Variants in SAMD4A observed in about 807,000 individuals in gnomAD.
SAMD4A encodes the protein protein Smaug homolog 1.
In SAMD4A, 33 loss-of-function variants were observed where a neutral mutation model predicts 81.3. The ratio of observed to expected loss-of-function variants is 0.41; its 90% confidence interval spans 0.31 to 0.54. The LOEUF (loss-of-function observed/expected upper bound fraction) is 0.54, where lower values mean the gene tolerates loss of function less well. SAMD4A is among the 20% of genes least tolerant of loss of function. The pLI is 0.37. For synonymous variants in SAMD4A, 389 were observed against 382.1 expected (o/e 1.02, Z -0.21); for missense variants, 854 against 951.1 (o/e 0.90, Z 1.34).
At position 54,739,518 on chromosome 14, in the gene SAMD4A, C is replaced by CA. The variant is rs11301120; in HGVS notation, c.979+2247dup. Among the ~76,000 whole-genome samples the CA allele has an allele frequency of 5.3e-3, 715 of 135,390 alleles. 2 individuals carry two copies. Among genetic ancestry groups the CA allele is most frequent in the African/African-American group, 6.6e-3 (236 of 35,958 alleles). 88.8% of individuals were successfully genotyped at this position (135,390 alleles called of 152,430 possible). ...ATAAAGTCAATAGCAAGTTAAATGG[C>CA]AAAAAAAAAAAAAAAAGTTTGAAGG... is the stretch of plus-strand genomic sequence containing the variant. On this transcript the variant is annotated intron_variant, in intron 4 of 12. Transcript: ENST00000554335.
At chr14:54,700,497 A>C (rs2036687603) in intron 2 of SAMD4A, among the ~76,000 whole-genome samples, 1 of 152,186 alleles carries the variant, frequency 6.6e-6, no homozygotes, top group Non-Finnish European at 1.5e-5. Flanking sequence ...GTCAACAGTG[A>C]TAACTGGGCT....
chr14:54,648,172 G>A (rs2035325053), intron 2 of SAMD4A, among the ~76,000 whole-genome samples: 1 of 152,232 alleles, frequency 6.6e-6, no homozygotes, highest in Admixed American at 6.5e-5. Context: ...AGAAACTTTT[G>A]TGAGACTTCT....
intron 2 of SAMD4A, among the ~76,000 whole-genome samples, chr14:54,640,977 C>T (rs2035160996): frequency 6.6e-6 from 1 of 152,198 alleles, no homozygotes; most frequent in Non-Finnish European, 1.5e-5. Context: ...CTTCATTCCA[C>T]CTCCTGCTCT....
At chr14:54,618,634 T>C (rs2034545412) in intron 2 of SAMD4A, among the ~76,000 whole-genome samples, 1 of 152,228 alleles carries the variant, frequency 6.6e-6, no homozygotes, top group Non-Finnish European at 1.5e-5. Flanking sequence ...TTTGATTTAG[T>C]AGATCCTTCT....
intron 10 of SAMD4A, among the ~76,000 whole-genome samples, chr14:54,776,066 C>G (rs1349917483): frequency 6.8e-6 from 1 of 147,346 alleles, no homozygotes; most frequent in Non-Finnish European, 1.5e-5. Flanking sequence ...ATAGTTTGTG[C>G]TCTTCGTTGC....
At chr14:54,758,680 A>G (rs1252184144) in intron 6 of SAMD4A, among the ~76,000 whole-genome samples, 3 of 152,134 alleles carry the variant, frequency 2.0e-5, no homozygotes, top group African/African-American at 7.2e-5. Context: ...AAATACAAAA[A>G]TTAGTTGGGT....
intron 2 of SAMD4A, among the ~76,000 whole-genome samples, chr14:54,568,478 T>C (rs1048955856): frequency 7.3e-5 from 11 of 151,380 alleles, no homozygotes; most frequent in Non-Finnish European, 2.9e-5. Flanking sequence ...TCCTCCTCCT[T>C]CTTTTGGGCA....
chr14:54,769,974 G>A (rs2139908165), intron 8 of SAMD4A, 130 bp from the exon 9 acceptor site: 1 of 653,240 alleles, frequency 1.5e-6, no homozygotes, highest in Middle Eastern at 2.6e-4. Flanking sequence ...GACTACGTTT[G>A]GACCAGGTTA....
chr14:54,587,476 G>A (rs1034101089), intron 2 of SAMD4A, among the ~76,000 whole-genome samples: 1 of 152,136 alleles, frequency 6.6e-6, no homozygotes, highest in African/African-American at 2.4e-5. Context: ...GAATAGAAGT[G>A]GTGAAAGTGG....
chr14:54,725,153 G>A (rs2037382520), intron 3 of SAMD4A, among the ~76,000 whole-genome samples: 1 of 152,162 alleles, frequency 6.6e-6, no homozygotes, highest in Admixed American at 6.5e-5. Flanking sequence ...CACGTAATAG[G>A]TTCTCAGCCT....
At chr14:54,764,390 GAGTC>G (rs1236816371) in intron 7 of SAMD4A, 61 bp from the exon 8 acceptor site, 12 of 1,070,406 alleles carry the variant, frequency 1.1e-5, no homozygotes, top group Non-Finnish European at 1.6e-5. Flanking sequence ...AGGGAAATGA[GAGTC>G]AGGTCCCAGA....
chr14:54,567,555 G>A lies in SAMD4A; in HGVS notation c.-362G>A, dbSNP rs556470992. The A allele has an allele frequency of 2.6e-3, 666 of 257,460 alleles. 1 individual carries two copies. Among genetic ancestry groups the A allele is most frequent in the Non-Finnish European group, 3.9e-3 (520 of 134,610 alleles). 15.9% of individuals were successfully genotyped at this position (257,460 alleles called of 1,614,324 possible). ...GTCCGAGTTGCCGCCCAGCGGGGAG[G>A]AGACCCCAGGACGCCGGAAATCACC... On this transcript the variant is annotated 5_prime_UTR_variant, in exon 2 of 13. Coordinates refer to ENST00000554335, the MANE Select transcript of SAMD4A (RefSeq NM_015589.6).
chr14:54,610,991 A>G (rs17832167), intron 2 of SAMD4A, among the ~76,000 whole-genome samples: 56,962 of 152,084 alleles, frequency 0.37, 10,932 homozygotes, highest in Middle Eastern at 0.45. Flanking sequence ...AAAATCCTGC[A>G]TGATCATCAT....
intron 2 of SAMD4A, among the ~76,000 whole-genome samples, chr14:54,578,854 C>T (rs2033384589): frequency 6.6e-6 from 1 of 151,974 alleles, no homozygotes; most frequent in Non-Finnish European, 1.5e-5. Context: ...TGGTAGTAGA[C>T]AGTCAAAGGC....
chr14:54,776,789 G>C (rs1156653973), intron 11 of SAMD4A, among the ~76,000 whole-genome samples: 1 of 152,126 alleles, frequency 6.6e-6, no homozygotes, highest in Admixed American at 6.5e-5. Flanking sequence ...CATATTTCTA[G>C]ATTGATTAAA....
chr14:54,623,528 G>T (rs76342770), intron 2 of SAMD4A, among the ~76,000 whole-genome samples: 9,193 of 122,890 alleles, frequency 0.075, 343 homozygotes, highest in Middle Eastern at 0.096. Context: ...GGGGAGGAAA[G>T]GTATAAAAGA....
intron 4 of SAMD4A, among the ~76,000 whole-genome samples, chr14:54,743,348 A>G (rs1167328537): frequency 6.6e-6 from 1 of 152,250 alleles, no homozygotes; most frequent in Admixed American, 6.5e-5. Flanking sequence ...CACAGGGATG[A>G]GTGCCCCTGG....
At chr14:54,629,548 A>G (rs910039224) in intron 2 of SAMD4A, among the ~76,000 whole-genome samples, 14 of 152,078 alleles carry the variant, frequency 9.2e-5, no homozygotes, top group Non-Finnish European at 1.6e-4. Context: ...CTATGCATGT[A>G]TATTTATGTT....
chr14:54,572,797 T>A (rs905321790), intron 2 of SAMD4A, among the ~76,000 whole-genome samples: 7 of 152,224 alleles, frequency 4.6e-5, no homozygotes, highest in African/African-American at 1.7e-4. Context: ...ATCTATTCTA[T>A]CCCTCAGGTT....
Sources: allele counts gnomAD v4.1 joint callset (sites outside exome capture counted in the v4.1 genomes callset), GRCh38; gene constraint gnomAD v4.1.1; transcripts MANE v1.5; gene names NCBI Gene and HGNC (gene_info 2026-07-23, HGNC 2026-07-21).